The following CADM1 variants were observed in gnomAD, a reference collection of about 807,000 sequenced individuals.
CADM1 encodes cell adhesion molecule 1.
Under a neutral mutation model 53.1 loss-of-function variants are expected in CADM1, and 15 were observed. The ratio of observed to expected loss-of-function variants is 0.28; its 90% CI spans 0.19 to 0.44. The LOEUF (loss-of-function observed/expected upper bound fraction) is 0.44. Ranked by LOEUF, CADM1 falls within the 20% of genes least tolerant of loss-of-function variation. CADM1 has a pLI of 1.00. For missense variants in CADM1, 434 were observed against 611.3 expected (o/e 0.71, Z 3.06); for synonymous variants, 281 against 243.0 (o/e 1.16, Z -1.45).
Position 115,451,091 on chromosome 11 carries a change from T to G in CADM1, c.124+53180A>C, listed in dbSNP as rs143466791. 8.0e-3 allele frequency among the ~76,000 whole-genome samples: 1,214 copies of G among 152,338 alleles called. 15 individuals are homozygous for G. The highest frequency in any genetic ancestry group is 0.028 in the African/African-American group (1,164 of 41,580). On this transcript the variant is annotated intron_variant, in intron 1 of 11. Coordinates refer to ENST00000331581, the MANE Select transcript of CADM1 (RefSeq NM_001301043.2). ...AAGAATAATCTGGAAATAAAAATAC[T>G]GCTGTAGCAAGTTTTATGTCTTCTA...
intron 10 of CADM1, among the ~76,000 whole-genome samples, chr11:115,187,607 ATT>A (rs1939627368): frequency 1.3e-5 from 2 of 152,010 alleles, no homozygotes; most frequent in Non-Finnish European, 2.9e-5. Context: ...CGCCTGGCTA[ATT>A]TTTGTGTTTT....
chr11:115,208,769 G>A (rs1940813912), intron 8 of CADM1, among the ~76,000 whole-genome samples: 1 of 152,100 alleles, frequency 6.6e-6, no homozygotes, highest in African/African-American at 2.4e-5. Context: ...TTCCTACTTA[G>A]GTAGGCAGAA....
At chr11:115,202,874 A>C (rs1420685161) in intron 8 of CADM1, among the ~76,000 whole-genome samples, 1 of 148,780 alleles carries the variant, frequency 6.7e-6, no homozygotes, top group Admixed American at 6.7e-5. Flanking sequence ...CTTCTCTTTC[A>C]TGTTATTTGA....
intron 1 of CADM1, among the ~76,000 whole-genome samples, chr11:115,385,075 C>A (rs1591767160): frequency 6.6e-6 from 1 of 151,500 alleles, no homozygotes; most frequent in South Asian, 2.1e-4. Flanking sequence ...TAAAGAGATC[C>A]TATTATTGTT....
Position 115,442,345 on chromosome 11 carries a change from T to C in CADM1, c.124+61926A>G, listed in dbSNP as rs73578880. Among the ~76,000 whole-genome samples the C allele has an allele frequency of 2.1e-3, 318 of 152,300 alleles. 1 individual carries two copies. The highest frequency in any genetic ancestry group is 7.5e-3 in the African/African-American group (313 of 41,584). ...GTTGTACTATACTGAGTCCAATCCC[T>C]AAGGTCCCTTCTAACTCTGCAATTC... On this transcript the variant is annotated intron_variant, in intron 1 of 11. Transcript: ENST00000331581.
intron 1 of CADM1, among the ~76,000 whole-genome samples, chr11:115,343,955 C>T (rs1367378184): frequency 6.6e-6 from 1 of 152,046 alleles, no homozygotes; most frequent in Non-Finnish European, 1.5e-5. Flanking sequence ...CAAGTCAGTA[C>T]TAAAATTTGG....
intron 1 of CADM1, among the ~76,000 whole-genome samples, chr11:115,365,037 C>T (rs796198804): frequency 6.6e-5 from 10 of 152,162 alleles, no homozygotes; most frequent in African/African-American, 2.4e-4. Flanking sequence ...ATGTCCATTC[C>T]CTCTGTAGAA....
intron 1 of CADM1, among the ~76,000 whole-genome samples, chr11:115,295,509 TATATA>T (rs1565349004): frequency 0.041 from 1,154 of 27,902 alleles, 19 homozygotes; most frequent in East Asian, 0.092. Context: ...AGATATTTTA[TATATA>T]TATATATATA....
intron 1 of CADM1, chr11:115,445,688 T>G (rs1948434489): frequency 7.7e-6 from 3 of 387,758 alleles, no homozygotes. Flanking sequence ...AACAAAAAAT[T>G]TAAAAATTAG....
intron 1 of CADM1, among the ~76,000 whole-genome samples, chr11:115,390,568 A>T (rs142192172): frequency 2.0e-5 from 3 of 151,844 alleles, no homozygotes; most frequent in African/African-American, 7.3e-5. Flanking sequence ...GATCAGATGT[A>T]AGTGTTTAGT....
At chr11:115,338,901 T>G (rs1348601596) in intron 1 of CADM1, among the ~76,000 whole-genome samples, 1 of 148,482 alleles carries the variant, frequency 6.7e-6, no homozygotes, top group Non-Finnish European at 1.5e-5. Context: ...AATTTTTTTT[T>G]TTTTTTATTA....
At chr11:115,327,520 G>GT (rs59245845) in intron 1 of CADM1, among the ~76,000 whole-genome samples, 64,933 of 150,220 alleles carry the variant, frequency 0.43, 14,544 homozygotes, top group East Asian at 0.81. Context: ...ATACATAAGA[G>GT]TTTTTTTTTT....
In CADM1 at chr11:115,175,255, C is replaced by A. The variant is rs1938970860; in HGVS notation, c.*1219G>T. 3 of 985,626 alleles carry A rather than the reference C, an allele frequency of 3.0e-6. No homozygotes were observed. Among genetic ancestry groups the A allele is most frequent in the Non-Finnish European group, 3.6e-6 (3 of 829,938 alleles). 61.1% of individuals were successfully genotyped at this position (985,626 alleles called of 1,614,324 possible). A position where few individuals can be genotyped will look rare whatever the true frequency, so the allele number is the denominator to read the frequency against. Reference sequence around the variant, plus strand: ...TTTTGTACCTCCTGCCTTTGTCAAGCCAAATCTGAAGGAATGAAAGTTTCA... The same window carrying A: ...TTTTGTACCTCCTGCCTTTGTCAAGACAAATCTGAAGGAATGAAAGTTTCA... On this transcript the variant is annotated 3_prime_UTR_variant, in exon 12 of 12. Transcript: ENST00000331581.
chr11:115,313,261 A>T (rs1307146426), intron 1 of CADM1, among the ~76,000 whole-genome samples: 1 of 152,202 alleles, frequency 6.6e-6, no homozygotes, highest in African/African-American at 2.4e-5. Flanking sequence ...AGAAATCACA[A>T]ATCTACAAAA....
chr11:115,197,801 A>C (rs150097828), intron 9 of CADM1, among the ~76,000 whole-genome samples: 1 of 152,366 alleles, frequency 6.6e-6, no homozygotes, highest in Non-Finnish European at 1.5e-5. Flanking sequence ...ATGTGAGCAT[A>C]AAGTTATATG....
intron 1 of CADM1, among the ~76,000 whole-genome samples, chr11:115,278,291 AC>A (rs1276943063): frequency 1.3e-5 from 2 of 152,242 alleles, no homozygotes; most frequent in Non-Finnish European, 2.9e-5. Flanking sequence ...TATCATTATT[AC>A]TAGTCACAGT....
At chr11:115,364,349 A>G (rs935355689) in intron 1 of CADM1, among the ~76,000 whole-genome samples, 2 of 152,120 alleles carry the variant, frequency 1.3e-5, no homozygotes, top group Non-Finnish European at 2.9e-5. Flanking sequence ...AACCCTCCCA[A>G]TTAACATTCT....
At chr11:115,418,027 T>C (rs1565417264) in intron 1 of CADM1, among the ~76,000 whole-genome samples, 1 of 152,190 alleles carries the variant, frequency 6.6e-6, no homozygotes, top group Non-Finnish European at 1.5e-5. Context: ...TAAGAAGCAA[T>C]GTTAATGAAT....
chr11:115,380,040 G>A (rs973446893), intron 1 of CADM1, among the ~76,000 whole-genome samples: 3 of 152,026 alleles, frequency 2.0e-5, no homozygotes, highest in African/African-American at 4.8e-5. Flanking sequence ...TACTAGTTCC[G>A]GTCCTTAAAA....
Sources: allele counts gnomAD v4.1 joint callset (sites outside exome capture counted in the v4.1 genomes callset), GRCh38; gene constraint gnomAD v4.1.1; transcripts MANE v1.5; gene names NCBI Gene and HGNC (gene_info 2026-07-23, HGNC 2026-07-21).